The following RASSF3 variants were observed in gnomAD, a reference collection of about 807,000 sequenced individuals.
RASSF3 encodes ras association domain-containing protein 3.
RASSF3 carries 19 observed loss-of-function variants against 19.9 expected under a neutral mutation model. The ratio of observed to expected loss-of-function variants is 0.96; its 90% CI spans 0.67 to 1.40. RASSF3 has a LOEUF of 1.40. Among genes scored for constraint, RASSF3 ranks in the 40% most tolerant of loss-of-function variants. The pLI is 0.00. For synonymous variants in RASSF3, 110 were observed against 104.2 expected (o/e 1.06, Z -0.34); for missense variants, 306 against 289.8 (o/e 1.06, Z -0.41).
intron 2 of RASSF3, among the ~76,000 whole-genome samples, chr12:64,551,686 C>T (rs1368702413): frequency 1.3e-5 from 2 of 152,178 alleles, no homozygotes; most frequent in African/African-American, 4.8e-5. Flanking sequence ...TGGTGGGAAA[C>T]TTCAATTAAT....
Position 64,514,290 on chromosome 12 carries a change from G to A in RASSF3, c.169+6961G>A, listed in dbSNP as rs972424019. ...CTCACTCCACCTCCCAGGTTCAAGC[G>A]ATTCTCCTGCCTTAGCCTCCCGAGT... On this transcript the variant is annotated intron_variant, in intron 1 of 5. Transcript: ENST00000637125. Among the ~76,000 whole-genome samples, 8 of 148,766 alleles carry A rather than the reference G, an allele frequency of 5.4e-5. No homozygotes were observed. The East Asian group carries it at 8.0e-4, about 15-fold the overall frequency.
chr12:64,675,202 G>T (rs189002068), intron 1 of RASSF3, among the ~76,000 whole-genome samples: 21 of 152,070 alleles, frequency 1.4e-4, no homozygotes, highest in African/African-American at 4.3e-4. Flanking sequence ...TAAGAAAAAA[G>T]AAATATTTGT....
rs77073944 is a variant in RASSF3 at position 64,685,639 on chromosome 12, C to T, written c.219+745C>T. Among the ~76,000 whole-genome samples the T allele has an allele frequency of 1.8e-3, 278 of 152,224 alleles. 6 individuals are homozygous for T. The East Asian group carries it at 0.048, about 26-fold the overall frequency. On this transcript the variant is annotated intron_variant, in intron 2 of 4. Transcript: ENST00000542104. Reference sequence around the variant, plus strand: ...TATATAATAGGATAGTTTTCTCTGCCGGTCGTTAGTGTAAGACAAGGTACT... The same window carrying T: ...TATATAATAGGATAGTTTTCTCTGCTGGTCGTTAGTGTAAGACAAGGTACT...
chr12:64,586,031 C>T (rs1012815684), intron 2 of RASSF3, among the ~76,000 whole-genome samples: 3 of 151,982 alleles, frequency 2.0e-5, no homozygotes, highest in African/African-American at 7.2e-5. Context: ...AGAAAGGAGA[C>T]CATGCGAGGT....
chr12:64,526,111 G>A (rs1868581174), intron 1 of RASSF3, among the ~76,000 whole-genome samples: 1 of 152,080 alleles, frequency 6.6e-6, no homozygotes, highest in Non-Finnish European at 1.5e-5. Flanking sequence ...TCCCACACTC[G>A]GACAATGTAA....
At chr12:64,551,867 C>T (rs950199762) in intron 2 of RASSF3, among the ~76,000 whole-genome samples, 9 of 152,082 alleles carry the variant, frequency 5.9e-5, no homozygotes, top group South Asian at 2.1e-4. Flanking sequence ...TTTACAACTA[C>T]GAAATGTTTT....
chr12:64,685,034 A>C (rs768156417), intron 2 of RASSF3, 140 bp downstream of exon 2: 2 of 546,872 alleles, frequency 3.7e-6, no homozygotes, highest in Non-Finnish European at 3.2e-6. Flanking sequence ...AGGAAAGTGG[A>C]ATATTTCTGT....
chr12:64,542,898 G>C (rs2136115795), downstream of RASSF3, among the ~76,000 whole-genome samples: 1 of 152,292 alleles, frequency 6.6e-6, no homozygotes, highest in East Asian at 1.9e-4. Flanking sequence ...CGAGGCCGGA[G>C]GCGGCTCCCT....
intron 1 of RASSF3, chr12:64,507,376 G>T (rs571571575): frequency 2.1e-4 from 84 of 394,860 alleles, no homozygotes; most frequent in Middle Eastern, 1.3e-3. Context: ...GTTTTTTTGT[G>T]TGTGTGTGTT....
intron 2 of RASSF3, among the ~76,000 whole-genome samples, chr12:64,570,934 A>G (rs965149695): frequency 1.6e-4 from 24 of 152,238 alleles, no homozygotes; most frequent in African/African-American, 5.5e-4. Flanking sequence ...AAAGTGTCTA[A>G]AGGCCAGACG....
chr12:64,646,357 A>G (rs1275686855), intron 1 of RASSF3, among the ~76,000 whole-genome samples: 1 of 152,182 alleles, frequency 6.6e-6, no homozygotes, highest in Admixed American at 6.5e-5. Context: ...TTTTCTCCAC[A>G]TCCTTGCTAA....
chr12:64,568,080 G>T (rs1592403282), intron 2 of RASSF3, among the ~76,000 whole-genome samples: 1 of 152,318 alleles, frequency 6.6e-6, no homozygotes, highest in East Asian at 1.9e-4. Context: ...TGCCCAGGCT[G>T]GAGTGCAGTG....
intron 1 of RASSF3, chr12:64,611,693 C>T (rs1401211711): frequency 1.3e-5 from 2 of 152,152 alleles, no homozygotes; most frequent in African/African-American, 2.4e-5. Context: ...CAGGCGTTCG[C>T]CAAACATTTC....
intron 1 of RASSF3, among the ~76,000 whole-genome samples, chr12:64,646,574 T>C (rs923198232): frequency 6.6e-6 from 1 of 152,218 alleles, no homozygotes; most frequent in Non-Finnish European, 1.5e-5. Context: ...AATTTCTGAA[T>C]GGACCCTCCC....
intron 1 of RASSF3, among the ~76,000 whole-genome samples, chr12:64,669,484 A>G (rs1872628146): frequency 6.6e-6 from 1 of 152,106 alleles, no homozygotes; most frequent in Non-Finnish European, 1.5e-5. Flanking sequence ...AGTGTCTGCC[A>G]CTTGTTTCCT....
intron 2 of RASSF3, among the ~76,000 whole-genome samples, chr12:64,597,655 A>G (rs1870018282): frequency 1.3e-5 from 2 of 151,512 alleles, no homozygotes; most frequent in Non-Finnish European, 2.9e-5. Flanking sequence ...ATGGGGTTTC[A>G]CCATGTTGCC....
At chr12:64,636,475 G>A (rs1299031254) in intron 1 of RASSF3, among the ~76,000 whole-genome samples, 1 of 152,136 alleles carries the variant, frequency 6.6e-6, no homozygotes, top group African/African-American at 2.4e-5. Context: ...GTTTCAGGGA[G>A]TGGTAAGGAA....
At chr12:64,687,232 C>T (rs1177732926) in intron 2 of RASSF3, among the ~76,000 whole-genome samples, 6 of 152,106 alleles carry the variant, frequency 3.9e-5, no homozygotes, top group African/African-American at 9.6e-5. Context: ...GAACTCCTGA[C>T]CTCCAGTGGT....
chr12:64,573,404 A>C (rs1401703472), intron 2 of RASSF3, among the ~76,000 whole-genome samples: 1 of 152,242 alleles, frequency 6.6e-6, no homozygotes, highest in Non-Finnish European at 1.5e-5. Flanking sequence ...TTACTAATAC[A>C]TTATTTTATT....
Sources: gnomAD v4.1 joint callset for allele counts (sites outside exome capture counted in the v4.1 genomes callset) on GRCh38, gnomAD v4.1.1 for gene constraint, MANE v1.5 for transcripts, NCBI Gene and HGNC (gene_info 2026-07-23, HGNC 2026-07-21) for gene names.